GABRG2: variants seen among roughly 807,000 people sequenced by gnomAD.
GABRG2 encodes gamma-aminobutyric acid receptor subunit gamma-2.
In GABRG2, 16 loss-of-function variants were observed where a neutral mutation model predicts 56.4. The observed-to-expected ratio is 0.28, with a 90% confidence interval of 0.19 to 0.43. GABRG2 has a LOEUF of 0.43. Ranked by LOEUF, GABRG2 falls within the 20% of genes least tolerant of loss-of-function variation. GABRG2 has a pLI of 1.00. For synonymous variants in GABRG2, 208 were observed against 205.5 expected, an observed-to-expected ratio of 1.01 and a Z score of -0.10; for missense variants, 327 against 582.7, an observed-to-expected ratio of 0.56 and a Z score of 4.52.
intron 6 of GABRG2, among the ~76,000 whole-genome samples, chr5:162,138,336 C>G (rs947176475): frequency 6.6e-6 from 1 of 152,098 alleles, no homozygotes; most frequent in Non-Finnish European, 1.5e-5. Context: ...GTCCTGCAAG[C>G]CTTTGGTCAA....
intron 1 of GABRG2, among the ~76,000 whole-genome samples, chr5:162,078,069 G>A (rs1759289750): frequency 6.6e-6 from 1 of 151,786 alleles, no homozygotes; most frequent in African/African-American, 2.4e-5. Flanking sequence ...ATAATGGGAG[G>A]GATCTACATG....
At position 162,068,083 on chromosome 5, in the gene GABRG2, G is replaced by C. The variant is rs1554096092; in HGVS notation, c.84G>C (p.Leu28=). The change falls in exon 1 of 10, where the codon CTG becomes CTC. Residue 28 remains leucine, a synonymous_variant. Coordinates refer to ENST00000639213, the MANE Select transcript of GABRG2 (RefSeq NM_198904.4). ...CACAGAAAATGACGGTGTGGATTCT[G>C]CTCCTGCTGTCGCTCTACCCTGGGT... ...VFSQKMTVWI[L]LLLSLYPGFT... 1 of 1,613,046 alleles carries C rather than the reference G, an allele frequency of 6.2e-7. No homozygotes were observed. The highest frequency in any genetic ancestry group is 1.7e-5 in the Admixed American group (1 of 59,954).
intron 6 of GABRG2, among the ~76,000 whole-genome samples, chr5:162,116,241 T>C (rs1196758069): frequency 6.6e-6 from 1 of 151,676 alleles, no homozygotes; most frequent in African/African-American, 2.4e-5. Context: ...TACCAATCTA[T>C]CTATCTATCT....
At chr5:162,067,639 C>T (rs1210310561), upstream of GABRG2, 4 of 537,988 alleles carry the variant, frequency 7.4e-6, no homozygotes, top group African/African-American at 1.9e-5. Flanking sequence ...CAGGGGAGAA[C>T]GCGTAAGTGT....
chr5:162,104,872 C>A (rs531802362), intron 6 of GABRG2, among the ~76,000 whole-genome samples: 1 of 152,192 alleles, frequency 6.6e-6, no homozygotes, highest in South Asian at 2.1e-4. Flanking sequence ...TGTTTCCAGA[C>A]CAGATATGTT....
At chr5:162,105,724 C>T (rs1456189577) in intron 6 of GABRG2, among the ~76,000 whole-genome samples, 1 of 151,836 alleles carries the variant, frequency 6.6e-6, no homozygotes, top group African/African-American at 2.4e-5. Flanking sequence ...GCCACCGCGC[C>T]CGGCCTAGAA....
chr5:162,148,909 A>G (rs942420708), intron 7 of GABRG2, among the ~76,000 whole-genome samples, 199 bp from the exon 8 acceptor site: 1 of 152,238 alleles, frequency 6.6e-6, no homozygotes, highest in Non-Finnish European at 1.5e-5. Flanking sequence ...TCTATTCATC[A>G]GTGTTTGTCA....
intron 6 of GABRG2, among the ~76,000 whole-genome samples, chr5:162,138,549 C>G (rs754158560): frequency 2.6e-5 from 4 of 152,114 alleles, no homozygotes; most frequent in South Asian, 4.1e-4. Context: ...ATACACTGCT[C>G]TATGCATAGC....
chr5:162,113,476 C>T (rs1203390375), intron 6 of GABRG2, among the ~76,000 whole-genome samples: 2 of 152,116 alleles, frequency 1.3e-5, no homozygotes, highest in Non-Finnish European at 2.9e-5. Context: ...CACTACAAAC[C>T]TAATTGTTTT....
chr5:162,089,100 G>A (rs1485567181), intron 1 of GABRG2, among the ~76,000 whole-genome samples: 1 of 152,102 alleles, frequency 6.6e-6, no homozygotes, highest in Non-Finnish European at 1.5e-5. Flanking sequence ...AAGATAGTCA[G>A]AAATGGTCTC....
chr5:162,092,484 C>A (rs1760676178), intron 1 of GABRG2, among the ~76,000 whole-genome samples: 1 of 152,190 alleles, frequency 6.6e-6, no homozygotes, highest in African/African-American at 2.4e-5. Flanking sequence ...TATTCTCAAA[C>A]CAGATTAATT....
chr5:162,149,816 A>G (rs1765239856), intron 8 of GABRG2: 6 of 358,558 alleles, frequency 1.7e-5, no homozygotes, highest in South Asian at 1.3e-4. Flanking sequence ...GTTTCACCAT[A>G]TTGGTCAGGC....
intron 1 of GABRG2, among the ~76,000 whole-genome samples, chr5:162,077,715 A>G (rs1370103907): frequency 3.3e-5 from 5 of 152,198 alleles, no homozygotes; most frequent in Non-Finnish European, 7.4e-5. Flanking sequence ...CAGGAATCCA[A>G]TAATGGGTAG....
rs1758327495 is a variant in GABRG2, at chr5:162,067,786, T to C, written c.-214T>C. The C allele has an allele frequency of 3.3e-6, 2 of 613,364 alleles. No individual in the cohort carries two copies. The highest frequency in any genetic ancestry group is 5.8e-6 in the Non-Finnish European group (2 of 347,718). The allele number at this position is 613,364 out of a possible 1,614,324, so 38.0% of individuals were successfully genotyped here. On this transcript the variant is annotated 5_prime_UTR_variant, in exon 1 of 10. Transcript: ENST00000639213. Reference sequence around the variant, plus strand: ...TTGGAAGCCGCTGCCAGAGTGACGCTTTGATGGTATCTGCAAGCGTTTTTG... The same window carrying C: ...TTGGAAGCCGCTGCCAGAGTGACGCCTTGATGGTATCTGCAAGCGTTTTTG...
At chr5:162,120,246 C>T (rs1762894603) in intron 6 of GABRG2, among the ~76,000 whole-genome samples, 1 of 152,092 alleles carries the variant, frequency 6.6e-6, no homozygotes, top group African/African-American at 2.4e-5. Context: ...AACCTTTGCA[C>T]CCATACATCT....
intron 6 of GABRG2, among the ~76,000 whole-genome samples, chr5:162,104,518 A>G (rs142371730): frequency 4.1e-4 from 63 of 152,280 alleles, no homozygotes; most frequent in African/African-American, 1.4e-3. Flanking sequence ...TCAAATTCCA[A>G]TTGCATCAGT....
chr5:162,152,408 T>A (rs1402620273), intron 9 of GABRG2: 1 of 451,096 alleles, frequency 2.2e-6, no homozygotes, highest in African/African-American at 2.1e-5. Flanking sequence ...TTTAGTTGCA[T>A]AGAAATTTAC....
upstream of GABRG2, chr5:162,067,565 C>T (rs940237942): frequency 1.7e-5 from 8 of 461,752 alleles, no homozygotes; most frequent in Admixed American, 1.5e-4. Flanking sequence ...ACCCACAGGG[C>T]TCTGCCCCCT....
At chr5:162,110,662 A>G (rs1456924223) in intron 6 of GABRG2, among the ~76,000 whole-genome samples, 1 of 152,002 alleles carries the variant, frequency 6.6e-6, no homozygotes, top group Non-Finnish European at 1.5e-5. Flanking sequence ...AACAACAAAA[A>G]CTAAATGAAA....
Sources: gnomAD v4.1 joint callset for allele counts (sites outside exome capture counted in the v4.1 genomes callset) on GRCh38, gnomAD v4.1.1 for gene constraint, MANE v1.5 for transcripts, NCBI Gene and HGNC (gene_info 2026-07-23, HGNC 2026-07-21) for gene names.